Variants in AMPD1 observed in about 807,000 individuals in gnomAD.
AMPD1 encodes the protein adenosine monophosphate deaminase 1.
In AMPD1, 74 loss-of-function variants were observed where a neutral mutation model predicts 82.9. That is an observed-to-expected ratio of 0.89 (90% CI 0.74 to 1.08). AMPD1 has a LOEUF of 1.08. Among genes scored for constraint, AMPD1 ranks in the 50% least tolerant of loss-of-function variants. AMPD1 has a pLI of 0.00. For missense variants in AMPD1, 881 were observed against 924.5 expected (o/e 0.95, Z 0.61); for synonymous variants, 333 against 320.5 (o/e 1.04, Z -0.42).
At position 114,687,299 on chromosome 1, in the gene AMPD1, T is replaced by C. The variant is rs1215074772; in HGVS notation, c.216-389A>G. 3.3e-5 allele frequency among the ~76,000 whole-genome samples: 5 copies of C among 152,208 alleles called. 1 individual carries two copies. The East Asian group carries it at 7.7e-4, about 23-fold the overall frequency. On this transcript the variant is annotated intron_variant, in intron 3 of 15. Transcript: ENST00000520113. ...ATAAAGGAGCTCCCATCTACCCATC[T>C]AAAACAAATGGTGCAAAAATGACTA...
intron 4 of AMPD1, 90 bp from the exon 5 acceptor site, chr1:114,684,454 T>C (rs914132152): frequency 8.7e-6 from 12 of 1,374,024 alleles, no homozygotes; most frequent in Non-Finnish European, 1.2e-5. Context: ...CTCCCAGCTC[T>C]CCTGTGTATC....
chr1:114,690,173 G>C (rs759037509), intron 2 of AMPD1, among the ~76,000 whole-genome samples: 4 of 152,136 alleles, frequency 2.6e-5, no homozygotes, highest in Non-Finnish European at 4.4e-5. Context: ...TCCCTGCTCT[G>C]CACTTAACAC....
chr1:114,679,843 G>A, intron 6 of AMPD1, 135 bp from the exon 7 acceptor site: 1 of 1,076,192 alleles, frequency 9.3e-7, no homozygotes. Flanking sequence ...TTACTCTGCA[G>A]TTAATCCCAC....
rs189465140 is a variant in AMPD1, at chr1:114,687,601, G to T, written c.216-691C>A. Among the ~76,000 whole-genome samples the T allele has an allele frequency of 2.6e-3, 395 of 152,080 alleles. 1 individual carries two copies. Among genetic ancestry groups the T allele is most frequent in the African/African-American group, 8.9e-3 (367 of 41,458 alleles). On this transcript the variant is annotated intron_variant, in intron 3 of 15. Transcript: ENST00000520113. ...GGATGGGGGGAGGACCTAAGGAGGG[G>T]GTTCCAGCAAAGTAGTTAGTATAGG...
intron 5 of AMPD1, among the ~76,000 whole-genome samples, chr1:114,683,526 A>G (rs560329625): frequency 5.4e-4 from 82 of 152,288 alleles, no homozygotes; most frequent in African/African-American, 1.9e-3. Flanking sequence ...GCTTGAGGCC[A>G]GGAGTTCAAG....
At chr1:114,681,571 G>A (rs1023102497) in intron 5 of AMPD1, among the ~76,000 whole-genome samples, 1 of 148,830 alleles carries the variant, frequency 6.7e-6, no homozygotes, top group African/African-American at 2.5e-5. Flanking sequence ...TCCAGCCTGG[G>A]TGACAGAGTG....
rs145328844 is a variant in AMPD1, at chr1:114,673,908, C to T, written c.1974+1G>A. On this transcript the variant is annotated splice_donor_variant, in intron 14 of 15. Coordinates refer to ENST00000520113, the MANE Select transcript of AMPD1 (RefSeq NM_000036.3). LOFTEE classifies it high-confidence loss of function. ...TTGTATTGCCCAAGTCCATACTATACCTTGGTAAAGTGGAATTGCATTGGG... is the reference window on the plus strand; with the variant it reads ...TTGTATTGCCCAAGTCCATACTATATCTTGGTAAAGTGGAATTGCATTGGG... The T allele has an allele frequency of 9.6e-5, 155 of 1,613,706 alleles. No homozygotes were observed. The highest frequency in any genetic ancestry group is 1.2e-4 in the Non-Finnish European group (147 of 1,179,744).
chr1:114,676,023 G>A lies in AMPD1; in HGVS notation c.1389-20C>T. On this transcript the variant is annotated intron_variant, in intron 10 of 15. Transcript: ENST00000520113. The stretch of plus-strand genomic sequence containing the variant: ...ACATCACTAGAGGCAAGAATGAAGA[G>A]AATTTAGGAGAAAAAAAGATTTTTA... The A allele has an allele frequency of 6.2e-7, 1 of 1,613,048 alleles. No homozygotes were observed. The highest frequency in any genetic ancestry group is 8.5e-7 in the Non-Finnish European group (1 of 1,179,854).
chr1:114,679,608 G>A lies in AMPD1; in HGVS notation c.868C>T (p.Pro290Ser), dbSNP rs780926201. 1 of 1,612,956 alleles carries A rather than the reference G, an allele frequency of 6.2e-7. No homozygotes were observed. The highest frequency in any genetic ancestry group is 8.5e-7 in the Non-Finnish European group (1 of 1,179,672). Residue 290 changes from proline to serine, a missense_variant, in exon 7 of 16, where the codon CCC (proline) becomes TCC (serine). By Grantham distance (74) the Pro-to-Ser change is moderately conservative. This residue lies in a region of AMPD1 where 783 missense variants were observed against 786.4 expected (regional missense o/e 1.00). Transcript: ENST00000520113. ...MDELKELKNN[P>S]HRDFYNCRKV... is the part of the protein sequence containing the mutation. ...CTGCAGTTATAAAAATCTCGGTGGG[G>A]GTTGTTTTTCAGCTCCTTTAACTCG...
rs1323955427 is a variant in AMPD1 at position 114,688,544 on chromosome 1, C to G, written c.215+17G>C. The G allele has an allele frequency of 6.2e-7, 1 of 1,614,004 alleles. No homozygotes were observed. Among genetic ancestry groups the G allele is most frequent in the East Asian group, 2.2e-5 (1 of 44,882 alleles). On this transcript the variant is annotated intron_variant, in intron 3 of 15. Transcript: ENST00000520113. ...CTTAGGTGCCAATATACTAAGCACT[C>G]CCCTTACACCACTTACCTCCTGGCT...
rs1463859468 is a variant in AMPD1 at position 114,678,654 on chromosome 1, AG to A, written c.898-128del. On this transcript the variant is annotated intron_variant, in intron 7 of 15. Transcript: ENST00000520113. ...GTGAATAATGAGGATGTGAGCTGACAGTTGGTGGAGGTGGTCCAGCAATAAA... is the reference window on the plus strand; with the variant it reads ...GTGAATAATGAGGATGTGAGCTGACATTGGTGGAGGTGGTCCAGCAATAAA... 4.5e-6 allele frequency: 4 copies of A among 895,344 alleles called. No homozygotes were observed. In the South Asian group the frequency reaches 5.6e-5, roughly 13 times the overall value. 55.5% of individuals were successfully genotyped at this position (895,344 alleles called of 1,614,324 possible). A position where few individuals can be genotyped will look rare whatever the true frequency, so the allele number is the denominator to read the frequency against.
intron 3 of AMPD1, among the ~76,000 whole-genome samples, chr1:114,687,948 C>G (rs1658368553): frequency 1.3e-5 from 2 of 152,104 alleles, no homozygotes; most frequent in African/African-American, 4.8e-5. Flanking sequence ...ATGTTCACAG[C>G]AGCCATTTGC....
At chr1:114,674,261 T>C (rs1657917494) in intron 13 of AMPD1, among the ~76,000 whole-genome samples, 179 bp from the exon 14 acceptor site, 1 of 152,210 alleles carries the variant, frequency 6.6e-6, no homozygotes, top group South Asian at 2.1e-4. Flanking sequence ...TTAGAATAAA[T>C]GTACTTAGGA....
chr1:114,680,477 G>T lies in AMPD1; in HGVS notation c.549C>A (p.Val183=). 6.2e-7 allele frequency: 1 copy of T among 1,613,814 alleles called. No homozygotes were observed. Among genetic ancestry groups the T allele is most frequent in the Admixed American group, 1.7e-5 (1 of 60,004 alleles). ...AWVANESFYP[V]FTPPVKKGED... ...CTCCCTTCTTCACAGGAGGAGTAAA[G>T]ACTTTTTCAATCAAACACAGAGTAA... The change falls in exon 6 of 16, where the codon GTC becomes GTA. Residue 183 remains valine, a splice_region_variant and synonymous_variant. Transcript: ENST00000520113.
intron 4 of AMPD1, among the ~76,000 whole-genome samples, chr1:114,686,348 C>G (rs572219492): frequency 6.6e-6 from 1 of 151,998 alleles, no homozygotes; most frequent in Non-Finnish European, 1.5e-5. Flanking sequence ...TATCCTAGGT[C>G]TGCTTGGGTC....
intron 2 of AMPD1, among the ~76,000 whole-genome samples, chr1:114,691,807 C>T (rs1174011474): frequency 2.6e-5 from 4 of 152,054 alleles, no homozygotes; most frequent in Admixed American, 1.3e-4. Context: ...TGCCTGTAAT[C>T]CCAGCTACTC....
chr1:114,686,192 G>A (rs756874460), intron 4 of AMPD1, among the ~76,000 whole-genome samples: 7 of 152,196 alleles, frequency 4.6e-5, no homozygotes, highest in South Asian at 2.1e-4. Flanking sequence ...AGTTCAGGTC[G>A]TCAAAAAAAC....
At position 114,688,672 on chromosome 1, in the gene AMPD1, C is replaced by T. The variant is rs147972392; in HGVS notation, c.104G>A (p.Arg35His). Reference sequence around the variant, plus strand: ...CACATCAAAGGGGGAAATCTCCTGACGACCTCCTTCATCTTTGACTTCAGA... The same window carrying T: ...CACATCAAAGGGGGAAATCTCCTGATGACCTCCTTCATCTTTGACTTCAGA... ...FASEVKDEGGRQEISPFDVDE... is the reference protein window; with the variant it reads ...FASEVKDEGGHQEISPFDVDE... The change falls in exon 3 of 16, where the codon CGT (arginine) becomes CAT (histidine). Residue 35 changes from arginine to histidine, a missense_variant. By Grantham distance (29) the Arg-to-His change is conservative. This residue lies in a region of AMPD1 where 783 missense variants were observed against 786.4 expected (regional missense o/e 1.00). Coordinates refer to ENST00000520113, the MANE Select transcript of AMPD1 (RefSeq NM_000036.3). 3.2e-5 allele frequency: 52 copies of T among 1,614,062 alleles called. No homozygotes were observed. Among genetic ancestry groups the T allele is most frequent in the Middle Eastern group, 1.6e-4 (1 of 6,084 alleles).
At chr1:114,691,491 C>A (rs1288836107) in intron 2 of AMPD1, among the ~76,000 whole-genome samples, 2 of 151,794 alleles carry the variant, frequency 1.3e-5, no homozygotes, top group South Asian at 4.2e-4. Flanking sequence ...TCGTTTGAGC[C>A]CAGAAGGTTG....
Sources: allele counts gnomAD v4.1 joint callset (sites outside exome capture counted in the v4.1 genomes callset), GRCh38; gene constraint gnomAD v4.1.1; regional missense constraint gnomAD v4.1.1; transcripts MANE v1.5; gene names NCBI Gene and HGNC (gene_info 2026-07-23, HGNC 2026-07-21).